Variants in KIF15 observed in about 807,000 individuals in gnomAD.
KIF15 encodes the protein kinesin-like protein KIF15.
Under a neutral mutation model 190.6 loss-of-function variants are expected in KIF15, and 140 were observed. That is an observed-to-expected ratio of 0.73 (90% CI 0.64 to 0.84). KIF15 has a LOEUF of 0.84. Ranked by LOEUF, KIF15 falls within the 40% of genes least tolerant of loss-of-function variation. KIF15 has a pLI of 0.00. For missense variants in KIF15, 1,372 were observed against 1,584.4 expected, an observed-to-expected ratio of 0.87 and a Z score of 2.28; for synonymous variants, 528 against 551.3, an observed-to-expected ratio of 0.96 and a Z score of 0.59.
At position 44,805,850 on chromosome 3, in the gene KIF15, G is replaced by T; in HGVS notation, c.1835G>T (p.Arg612Met). 1 of 1,612,558 alleles carries T rather than the reference G, an allele frequency of 6.2e-7. No individual in the cohort carries two copies. Among genetic ancestry groups the T allele is most frequent in the Non-Finnish European group, 8.5e-7 (1 of 1,179,590 alleles). ...YEEFKELTRKRQLELESELQS... is the reference protein window; with the variant it reads ...YEEFKELTRKMQLELESELQS... ...CGTTTTACAATATCTATTAGGAAAAGGCAGCTAGAATTGGAATCAGAGCTT... is the reference window on the plus strand; with the variant it reads ...CGTTTTACAATATCTATTAGGAAAATGCAGCTAGAATTGGAATCAGAGCTT... Residue 612 changes from arginine to methionine, a missense_variant, in exon 16 of 35, where the codon AGG becomes ATG. Arg to Met is a moderately conservative substitution (Grantham distance 91). Coordinates refer to ENST00000326047, the MANE Select transcript of KIF15 (RefSeq NM_020242.3).
rs3749196 is a variant in KIF15, at chr3:44,862,288, G to C, written c.*59+9494G>C. 33 of 267,408 alleles carry C rather than the reference G, an allele frequency of 1.2e-4. No homozygotes were observed. The East Asian group carries it at 5.6e-3, about 45-fold the overall frequency. 16.6% of individuals were successfully genotyped at this position (267,408 alleles called of 1,614,324 possible). A position where few individuals can be genotyped will look rare whatever the true frequency, so the allele number is the denominator to read the frequency against. ...CCCGCCGGGGCCCCGGGCCGCGGGC[G>C]GCGCTGCGGTCAGCTGGGGTGGCAG... is the stretch of plus-strand genomic sequence containing the variant. On this transcript the variant is annotated intron_variant and NMD_transcript_variant, in intron 6 of 6. Transcript: ENST00000422209.
intron 30 of KIF15, 46 bp from the exon 31 acceptor site, chr3:44,847,939 A>C (rs1698921126): frequency 7.8e-7 from 1 of 1,283,416 alleles, no homozygotes; most frequent in Admixed American, 2.1e-5. Context: ...GAATATACTT[A>C]GCAGTGTTTT....
intron 6 of KIF15, among the ~76,000 whole-genome samples, chr3:44,868,139 G>A (rs9857496): frequency 0.022 from 3,350 of 152,252 alleles, 104 homozygotes; most frequent in African/African-American, 0.076. Context: ...CAGGCCCATG[G>A]CAATCAAGGA....
chr3:44,763,010 CTTAT>C (rs200181145), intron 1 of KIF15, among the ~76,000 whole-genome samples: 2,394 of 152,250 alleles, frequency 0.016, 30 homozygotes, highest in Admixed American at 0.025. Flanking sequence ...AAAACATCTG[CTTAT>C]TTAATGAGAT....
intron 16 of KIF15, among the ~76,000 whole-genome samples, chr3:44,806,750 C>G (rs1478598089): frequency 6.6e-6 from 1 of 151,976 alleles, no homozygotes; most frequent in East Asian, 1.9e-4. Flanking sequence ...CTTTTCTTTT[C>G]TTTTCTTTTT....
intron 32 of KIF15, among the ~76,000 whole-genome samples, chr3:44,850,419 G>A (rs1414067584): frequency 1.3e-5 from 2 of 152,100 alleles, no homozygotes; most frequent in Non-Finnish European, 2.9e-5. Context: ...ATCTATTTGA[G>A]GTCTTCTAGC....
At chr3:44,847,871 T>A (rs1698917453) in intron 30 of KIF15, 114 bp from the exon 31 acceptor site, 2 of 728,246 alleles carry the variant, frequency 2.7e-6, no homozygotes. Context: ...GAGTTAGCCT[T>A]TCTTTGTACA....
chr3:44,761,818 G>A lies in KIF15; in HGVS notation c.-48G>A. ...CAGTCGCGCGCGGTGCAGTCGGGAG[G>A]TGGAGGCACCGGCTGCATTGTTTTC... On this transcript the variant is annotated 5_prime_UTR_variant, in exon 1 of 35. It adds an upstream start codon to the 5' untranslated region. Coordinates refer to ENST00000326047, the MANE Select transcript of KIF15 (RefSeq NM_020242.3). 1.2e-6 allele frequency: 2 copies of A among 1,613,830 alleles called. No individual in the cohort carries two copies. Among genetic ancestry groups the A allele is most frequent in the East Asian group, 2.2e-5 (1 of 44,874 alleles).
At chr3:44,830,867 C>T (rs1276918325) in intron 25 of KIF15, 29 bp from the exon 26 acceptor site, 1 of 1,599,174 alleles carries the variant, frequency 6.3e-7, no homozygotes, top group African/African-American at 1.3e-5. Flanking sequence ...AATAAAATGG[C>T]TCTTATAGCA....
At chr3:44,775,970 C>T (rs541021132) in intron 3 of KIF15, among the ~76,000 whole-genome samples, 4 of 151,652 alleles carry the variant, frequency 2.6e-5, no homozygotes, top group African/African-American at 9.7e-5. Context: ...GTCCTAGCTA[C>T]TCGGGAGGCT....
intron 1 of KIF15, among the ~76,000 whole-genome samples, chr3:44,771,858 C>A (rs55784439): frequency 0.012 from 1,819 of 152,284 alleles, 20 homozygotes; most frequent in Non-Finnish European, 0.016. Flanking sequence ...TACAATCCTT[C>A]CACTACTTGT....
chr3:44,778,295 T>C (rs1381134872), intron 4 of KIF15, 104 bp downstream of exon 4: 16 of 894,360 alleles, frequency 1.8e-5, no homozygotes, highest in Non-Finnish European at 3.0e-5. Context: ...ACAACACAAA[T>C]GTATTATGTT....
At position 44,840,425 on chromosome 3, in the gene KIF15, A is replaced by G. The variant is rs757970305; in HGVS notation, c.3389A>G (p.His1130Arg). 3 of 1,608,842 alleles carry G rather than the reference A, an allele frequency of 1.9e-6. No homozygotes were observed. The highest frequency in any genetic ancestry group is 2.7e-5 in the African/African-American group (2 of 74,766). ...AACTTCAAAATGAGGCAACTAGAAC[A>G]TGTGATGGATTCTGCTGCTGAGGAT... ...EYNFKMRQLE[H>R]VMDSAAEDPQ... The change falls in exon 28 of 35, where the codon CAT becomes CGT. Residue 1130 changes from histidine to arginine, a missense_variant. Physicochemically the swap from His to Arg is conservative, Grantham distance 29. Coordinates refer to ENST00000326047, the MANE Select transcript of KIF15 (RefSeq NM_020242.3).
intron 26 of KIF15, among the ~76,000 whole-genome samples, chr3:44,833,045 A>C (rs1246725157): frequency 2.6e-5 from 4 of 151,892 alleles, no homozygotes; most frequent in African/African-American, 9.7e-5. Flanking sequence ...TAAAGTAGAC[A>C]ACAAAAATTA....
At chr3:44,842,107 A>G (rs962826905) in intron 29 of KIF15, among the ~76,000 whole-genome samples, 7 of 152,188 alleles carry the variant, frequency 4.6e-5, no homozygotes, top group African/African-American at 7.2e-5. Flanking sequence ...AAAATTGAGC[A>G]TCTTGTTTTT....
At chr3:44,801,682 A>G in intron 12 of KIF15, 83 bp from the exon 13 acceptor site, 1 of 981,302 alleles carries the variant, frequency 1.0e-6, no homozygotes, top group East Asian at 2.5e-5. Context: ...TAAATATGAA[A>G]TTAGTATTTG....
intron 1 of KIF15, among the ~76,000 whole-genome samples, chr3:44,771,497 G>C (rs565914280): frequency 6.6e-6 from 1 of 152,248 alleles, no homozygotes; most frequent in East Asian, 1.9e-4. Flanking sequence ...GATGTGTCAG[G>C]GGCCCTCTGT....
rs780923240 is a variant in KIF15, at chr3:44,801,827, A to G, written c.1362A>G (p.Gln454=). 2.9e-5 allele frequency: 47 copies of G among 1,610,152 alleles called. No homozygotes were observed. The highest frequency in any genetic ancestry group is 3.7e-5 in the Non-Finnish European group (43 of 1,177,070). The change falls in exon 13 of 35, where the codon CAA becomes CAG. Residue 454 remains glutamine (Q), a synonymous_variant. Coordinates refer to ENST00000326047, the MANE Select transcript of KIF15 (RefSeq NM_020242.3). ...CCCTCAAAAAGGAAAAATTTATTCA[A>G]TCTAATAAAATGATTGTGAAATTCC... ...DLTLKKEKFI[Q]SNKMIVKFRE... is the part of the protein sequence containing the mutation.
rs113093675 is a variant in KIF15 at position 44,833,370 on chromosome 3, A to C, written c.3171+2352A>C. ...TATTATATTTACATTGTAATATATA[A>C]TAAAATAGTTGTACAACTCACCGTA... On this transcript the variant is annotated intron_variant, in intron 26 of 34. Coordinates refer to ENST00000326047, the MANE Select transcript of KIF15 (RefSeq NM_020242.3). Among the ~76,000 whole-genome samples, 491 of 152,146 alleles carry C rather than the reference A, an allele frequency of 3.2e-3. 4 individuals carry two copies. The highest frequency in any genetic ancestry group is 0.011 in the African/African-American group (471 of 41,496).
Sources: gnomAD v4.1 joint callset for allele counts (sites outside exome capture counted in the v4.1 genomes callset) on GRCh38, gnomAD v4.1.1 for gene constraint, MANE v1.5 for transcripts, NCBI Gene and HGNC (gene_info 2026-07-23, HGNC 2026-07-21) for gene names.